Variants in ITGA2 observed in about 807,000 individuals in gnomAD.
ITGA2 encodes integrin alpha-2.
ITGA2 carries 101 observed loss-of-function variants against 146.3 expected under a neutral mutation model. That is an observed-to-expected ratio of 0.69 (90% CI 0.59 to 0.81). ITGA2 has a LOEUF of 0.81. Ranked by LOEUF, ITGA2 falls within the 40% of genes least tolerant of loss-of-function variation. The pLI is 0.00. For missense variants in ITGA2, 1,281 were observed against 1,402.7 expected (o/e 0.91, Z 1.39); for synonymous variants, 477 against 487.1 (o/e 0.98, Z 0.27).
At chr5:52,993,558 G>A (rs1029298731) in intron 1 of ITGA2, among the ~76,000 whole-genome samples, 1 of 152,110 alleles carries the variant, frequency 6.6e-6, no homozygotes, top group African/African-American at 2.4e-5. Flanking sequence ...GGCTGTGAGC[G>A]GCTGTGTCAG....
intron 2 of ITGA2, among the ~76,000 whole-genome samples, chr5:53,028,116 A>G (rs528529087): frequency 1.3e-5 from 2 of 152,144 alleles, no homozygotes; most frequent in Admixed American, 6.6e-5. Context: ...ACTGTAATTC[A>G]TAAGCCTTTT....
chr5:53,004,027 G>T (rs1741709316), intron 1 of ITGA2, among the ~76,000 whole-genome samples: 1 of 152,018 alleles, frequency 6.6e-6, no homozygotes, highest in African/African-American at 2.4e-5. Flanking sequence ...AAGTAGTAAG[G>T]TAGGCTGGGG....
At chr5:53,044,162 C>G (rs1282650601) in intron 3 of ITGA2, among the ~76,000 whole-genome samples, 1 of 150,574 alleles carries the variant, frequency 6.6e-6, no homozygotes, top group Non-Finnish European at 1.5e-5. Context: ...GTATTCCCAG[C>G]TACTTGGGAG....
chr5:53,001,634 A>T (rs1340008340), intron 1 of ITGA2, among the ~76,000 whole-genome samples: 1 of 152,172 alleles, frequency 6.6e-6, no homozygotes. Context: ...CAGGAATTTG[A>T]ACCTAGACTG....
intron 6 of ITGA2, 143 bp from the exon 7 acceptor site, chr5:53,051,268 A>G (rs1319618846): frequency 1.9e-5 from 15 of 779,572 alleles, no homozygotes; most frequent in Non-Finnish European, 2.8e-5. Flanking sequence ...AAAGAAAAGT[A>G]ACTATCAAGA....
intron 1 of ITGA2, among the ~76,000 whole-genome samples, chr5:53,004,894 GTTTTTTTTTTTTTTTTTTTTT>G (rs548541753): frequency 3.6e-4 from 20 of 55,946 alleles, no homozygotes; most frequent in East Asian, 7.2e-4. Context: ...TAGTTGCTTT[GTTTTTTTTTTTTTTTTTTTTT>G]TTTTTTTTTT....
chr5:53,088,879 A>G (rs899738686), intron 28 of ITGA2: 11 of 152,138 alleles, frequency 7.2e-5, no homozygotes, highest in African/African-American at 2.4e-4. Context: ...CTGTTAATTT[A>G]TTTGAATGCC....
chr5:53,019,160 T>G (rs1742548133), intron 1 of ITGA2, among the ~76,000 whole-genome samples: 1 of 152,108 alleles, frequency 6.6e-6, no homozygotes, highest in Admixed American at 6.5e-5. Flanking sequence ...AAAAATAATT[T>G]TAAAATAAGT....
At chr5:53,090,413 A>T in intron 29 of ITGA2, 106 bp from the exon 30 acceptor site, 1 of 890,064 alleles carries the variant, frequency 1.1e-6, no homozygotes, top group Non-Finnish European at 1.9e-6. Context: ...TCAGAGCCTC[A>T]GGGATTCCCA....
chr5:53,002,465 T>C (rs1741631475), intron 1 of ITGA2, among the ~76,000 whole-genome samples: 1 of 152,230 alleles, frequency 6.6e-6, no homozygotes. Flanking sequence ...AATCTTTTCA[T>C]AGATATACTC....
At chr5:53,053,053 A>G (rs1223253026) in intron 7 of ITGA2, among the ~76,000 whole-genome samples, 1 of 152,128 alleles carries the variant, frequency 6.6e-6, no homozygotes, top group Non-Finnish European at 1.5e-5. Flanking sequence ...TGAACTTGCC[A>G]TTTTGATTCA....
Position 53,062,892 on chromosome 5 carries a change from A to G in ITGA2, c.1565A>G (p.Lys522Arg), listed in dbSNP as rs1384736608. The change falls in exon 13 of 30, where the codon AAA (lysine) becomes AGA (arginine). Residue 522 changes from lysine (K) to arginine (R), a missense_variant. Lys to Arg is a conservative substitution (Grantham distance 26). This residue lies in a region of ITGA2 where 795 missense variants were observed against 841.7 expected (regional missense o/e 0.94). Coordinates refer to ENST00000296585, the MANE Select transcript of ITGA2 (RefSeq NM_002203.4). ...CCAATGTACATGAGTGACCTAAAGA[A>G]AGAGGAAGGAAGAGTCTACCTGTTT... The part of the protein sequence containing the change: ...GAPMYMSDLK[K>R]EEGRVYLFTI... The G allele has an allele frequency of 6.2e-7, 1 of 1,611,342 alleles. No homozygotes were observed. Among genetic ancestry groups the G allele is most frequent in the Admixed American group, 1.7e-5 (1 of 59,790 alleles).
intron 2 of ITGA2, among the ~76,000 whole-genome samples, chr5:53,035,477 G>A (rs985416604): frequency 3.3e-5 from 5 of 152,166 alleles, no homozygotes; most frequent in African/African-American, 4.8e-5. Flanking sequence ...TAGCCATCCC[G>A]CTAACTGAGG....
chr5:52,989,648 C>A, intron 1 of ITGA2, 116 bp downstream of exon 1: 2 of 1,153,456 alleles, frequency 1.7e-6, no homozygotes, highest in Non-Finnish European at 2.6e-6. Flanking sequence ...CCTCGGATTC[C>A]ACGTGGACTC....
chr5:53,045,239 G>C (rs1255888951), intron 4 of ITGA2, 147 bp downstream of exon 4: 2 of 690,040 alleles, frequency 2.9e-6, no homozygotes, highest in African/African-American at 1.8e-5. Context: ...ATCCAATGTT[G>C]AATATTCAAA....
intron 1 of ITGA2, among the ~76,000 whole-genome samples, chr5:53,015,743 G>A (rs946701807): frequency 6.6e-6 from 1 of 152,096 alleles, no homozygotes; most frequent in Non-Finnish European, 1.5e-5. Flanking sequence ...AGGTCTCTAA[G>A]GACTTGTTTT....
In ITGA2 at chr5:53,073,128, T is replaced by G; in HGVS notation, c.2440T>G (p.Phe814Val). Residue 814 changes from phenylalanine to valine, a missense_variant, in exon 20 of 30, where the codon TTT (phenylalanine) becomes GTT (valine). Phe to Val is a conservative substitution (Grantham distance 50). Transcript: ENST00000296585. ...TTTTACTTTTAACAGAGAACAACCC[T>G]TTATTGTCAGCAACCAAAACAAAAG... is the stretch of plus-strand genomic sequence containing the variant. Reference protein sequence around the residue: ...RQIPAAQEQPFIVSNQNKRLT... With the variant: ...RQIPAAQEQPVIVSNQNKRLT... 1 of 1,612,014 alleles carries G rather than the reference T, an allele frequency of 6.2e-7. No individual in the cohort carries two copies. Among genetic ancestry groups the G allele is most frequent in the East Asian group, 2.2e-5 (1 of 44,760 alleles).
intron 2 of ITGA2, among the ~76,000 whole-genome samples, chr5:53,038,984 T>A (rs2111871677): frequency 6.6e-6 from 1 of 152,208 alleles, no homozygotes; most frequent in Non-Finnish European, 1.5e-5. Context: ...TCCCAGCTAT[T>A]CAGGAGGCTG....
chr5:53,075,173 T>G (rs1379895356), intron 22 of ITGA2, 36 bp downstream of exon 22: 1 of 1,603,126 alleles, frequency 6.2e-7, no homozygotes, highest in East Asian at 2.2e-5. Flanking sequence ...GAATGATGGA[T>G]AGCTTTGTAT....
Sources: gnomAD v4.1 joint callset for allele counts (sites outside exome capture counted in the v4.1 genomes callset) on GRCh38, gnomAD v4.1.1 for gene constraint, gnomAD v4.1.1 regional missense constraint, MANE v1.5 for transcripts, NCBI Gene and HGNC (gene_info 2026-07-23, HGNC 2026-07-21) for gene names.